Variants in ALK observed in about 807,000 individuals in gnomAD.
The protein encoded by ALK is ALK tyrosine kinase receptor.
In ALK, 74 loss-of-function variants were observed where a neutral mutation model predicts 163.1. The observed-to-expected ratio is 0.45, with a 90% CI of 0.38 to 0.55. ALK has a LOEUF of 0.55. Ranked by LOEUF, ALK falls within the 20% of genes least tolerant of loss-of-function variation. ALK has a pLI of 0.00. For synonymous variants in ALK, 960 were observed against 843.2 expected, an observed-to-expected ratio of 1.14 and a Z score of -2.40; for missense variants, 2,063 against 2,105.3, an observed-to-expected ratio of 0.98 and a Z score of 0.39.
chr2:29,289,885 A>G (rs543244654), intron 9 of ALK, among the ~76,000 whole-genome samples: 191 of 152,248 alleles, frequency 1.3e-3, no homozygotes, highest in African/African-American at 4.4e-3. Context: ...AGGAGCCCCA[A>G]CAGCTGGGGC....
chr2:29,669,883 T>C lies in ALK; in HGVS notation c.952+24967A>G, dbSNP rs989835587. ...AATAAAAACAAAGGCAAAAAAAAAC[T>C]AAAAAAAAAATTCTATACTTTAACT... On this transcript the variant is annotated intron_variant, in intron 3 of 28. Transcript: ENST00000389048. Among the ~76,000 whole-genome samples the C allele has an allele frequency of 1.4e-3, 216 of 149,056 alleles. 2 individuals carry two copies. Among genetic ancestry groups the C allele is most frequent in the African/African-American group, 4.6e-3 (186 of 40,616 alleles).
At chr2:29,272,393 C>T (rs1405085360) in intron 11 of ALK, among the ~76,000 whole-genome samples, 5 of 152,202 alleles carry the variant, frequency 3.3e-5, no homozygotes, top group Admixed American at 3.3e-4. Flanking sequence ...CATGAAGCAC[C>T]TGGACAGGAT....
chr2:29,604,557 T>C (rs1262670300), intron 3 of ALK, among the ~76,000 whole-genome samples: 2 of 152,188 alleles, frequency 1.3e-5, no homozygotes, highest in Non-Finnish European at 2.9e-5. Context: ...GTAAATATCC[T>C]GAGGACATGG....
chr2:29,775,833 A>G (rs1681160600), intron 1 of ALK, among the ~76,000 whole-genome samples: 2 of 152,246 alleles, frequency 1.3e-5, no homozygotes, highest in African/African-American at 4.8e-5. Context: ...AGAATGATCA[A>G]TGACTGTAGT....
intron 4 of ALK, among the ~76,000 whole-genome samples, chr2:29,412,290 G>A (rs1669743349): frequency 6.6e-6 from 1 of 152,156 alleles, no homozygotes; most frequent in Non-Finnish European, 1.5e-5. Context: ...CAGCAATTCA[G>A]GAAGGCATCT....
At chr2:29,333,634 T>C (rs1350900213) in intron 5 of ALK, among the ~76,000 whole-genome samples, 1 of 152,232 alleles carries the variant, frequency 6.6e-6, no homozygotes, top group Non-Finnish European at 1.5e-5. Context: ...ATTTTAAATT[T>C]TCTGAGACAG....
intron 4 of ALK, among the ~76,000 whole-genome samples, chr2:29,469,887 A>G (rs1671304459): frequency 1.3e-5 from 2 of 152,218 alleles, no homozygotes; most frequent in Admixed American, 1.3e-4. Context: ...CAGGAAACAG[A>G]GCCAAATGAC....
chr2:29,679,781 T>C (rs1350475972), intron 3 of ALK, among the ~76,000 whole-genome samples: 1 of 151,978 alleles, frequency 6.6e-6, no homozygotes, highest in African/African-American at 2.4e-5. Context: ...TTACTATTTC[T>C]AGTACTCTTC....
At chr2:29,788,015 C>T (rs1664087364) in intron 1 of ALK, among the ~76,000 whole-genome samples, 1 of 152,106 alleles carries the variant, frequency 6.6e-6, no homozygotes. Flanking sequence ...CAGCAGACAC[C>T]AGGGATTTGT....
rs533056520 is a variant in ALK at position 29,774,919 on chromosome 2, C to T, written c.668-57222G>A. Reference sequence around the variant, plus strand: ...AAGGGATGATTCTAAAATTCTGAATCGGGGATGGGTTAATGTAAATTTATA... The same window carrying T: ...AAGGGATGATTCTAAAATTCTGAATTGGGGATGGGTTAATGTAAATTTATA... On this transcript the variant is annotated intron_variant, in intron 1 of 28. Coordinates refer to ENST00000389048, the MANE Select transcript of ALK (RefSeq NM_004304.5). Among the ~76,000 whole-genome samples the T allele has an allele frequency of 2.6e-5, 4 of 152,196 alleles. No homozygotes were observed. In the South Asian group the frequency reaches 6.2e-4, roughly 24 times the overall value.
intron 4 of ALK, among the ~76,000 whole-genome samples, chr2:29,416,979 C>CCTTTTTTTTT (rs1177704836): frequency 5.2e-5 from 4 of 77,664 alleles, no homozygotes; most frequent in African/African-American, 2.2e-4. Context: ...ATGTTTGATG[C>CCTTTTTTTTT]TTTTTTTTTT....
intron 3 of ALK, among the ~76,000 whole-genome samples, chr2:29,595,136 TAC>T (rs940103832): frequency 6.6e-6 from 1 of 152,176 alleles, no homozygotes; most frequent in Non-Finnish European, 1.5e-5. Context: ...ATATTTGCAT[TAC>T]ACACAGCTTA....
At chr2:29,695,297 G>C (rs941882888) in intron 2 of ALK, among the ~76,000 whole-genome samples, 1 of 152,232 alleles carries the variant, frequency 6.6e-6, no homozygotes, top group African/African-American at 2.4e-5. Flanking sequence ...TCTGCATCTT[G>C]TGAAGTTACC....
At position 29,768,841 on chromosome 2, in the gene ALK, C is replaced by CT. The variant is rs201699286; in HGVS notation, c.668-51145dup. ...TAAATTTTTTCTTTATCCTTTTTAT[C>CT]TTTTTTTTTTAAGACAGGGTCTCAC... On this transcript the variant is annotated intron_variant, in intron 1 of 28. Transcript: ENST00000389048. 1.1e-3 allele frequency among the ~76,000 whole-genome samples: 163 copies of CT among 145,422 alleles called. 1 individual carries two copies. The highest frequency in any genetic ancestry group is 2.6e-3 in the South Asian group (12 of 4,564).
At chr2:29,280,986 A>G (rs771561260) in intron 9 of ALK, among the ~76,000 whole-genome samples, 29 of 151,720 alleles carry the variant, frequency 1.9e-4, no homozygotes, top group Non-Finnish European at 3.8e-4. Flanking sequence ...GGAAAGTTCT[A>G]GTATGTACCA....
At chr2:29,226,373 G>A (rs756709469) in intron 18 of ALK, among the ~76,000 whole-genome samples, 106 of 151,258 alleles carry the variant, frequency 7.0e-4, no homozygotes, top group Non-Finnish European at 1.1e-3. Context: ...AGCTACTCAG[G>A]AGGCTGAGGC....
intron 3 of ALK, among the ~76,000 whole-genome samples, chr2:29,588,126 C>T (rs919162556): frequency 1.3e-5 from 2 of 152,054 alleles, no homozygotes; most frequent in Non-Finnish European, 2.9e-5. Context: ...GGACTGTGTC[C>T]GTTTATGCAG....
At chr2:29,747,628 C>A (rs1680239542) in intron 1 of ALK, among the ~76,000 whole-genome samples, 1 of 152,128 alleles carries the variant, frequency 6.6e-6, no homozygotes, top group Non-Finnish European at 1.5e-5. Flanking sequence ...AGTGAATGCT[C>A]AATAAATACT....
chr2:29,775,380 G>A (rs1681143814), intron 1 of ALK, among the ~76,000 whole-genome samples: 3 of 152,140 alleles, frequency 2.0e-5, no homozygotes. Flanking sequence ...GCTAACCAAA[G>A]GAATTGGAGA....
Sources: gnomAD v4.1 joint callset for allele counts (sites outside exome capture counted in the v4.1 genomes callset) on GRCh38, gnomAD v4.1.1 for gene constraint, MANE v1.5 for transcripts, NCBI Gene and HGNC (gene_info 2026-07-23, HGNC 2026-07-21) for gene names.